PDCD6: variants seen among roughly 807,000 people sequenced by gnomAD.
PDCD6 encodes the protein programmed cell death 6.
PDCD6 carries 12 observed loss-of-function variants against 28.3 expected under a neutral mutation model. The ratio of observed to expected loss-of-function variants is 0.42; its 90% CI spans 0.27 to 0.69. The LOEUF (loss-of-function observed/expected upper bound fraction) is 0.69. Ranked by LOEUF, PDCD6 falls within the 30% of genes least tolerant of loss-of-function variation. The pLI is 0.22. For missense variants in PDCD6, 226 were observed against 269.9 expected, an observed-to-expected ratio of 0.84 and a Z score of 1.14; for synonymous variants, 92 against 108.0, an observed-to-expected ratio of 0.85 and a Z score of 0.92.
chr5:276,984 A>G (rs1738238288), intron 2 of PDCD6: 1 of 974,612 alleles, frequency 1.0e-6, no homozygotes, highest in Non-Finnish European at 1.2e-6. Flanking sequence ...TTTTTTTAAC[A>G]TTCACATATT....
intron 2 of PDCD6, among the ~76,000 whole-genome samples, chr5:288,295 TATA>T (rs1561037367): frequency 1.4e-3 from 145 of 107,076 alleles, no homozygotes; most frequent in African/African-American, 3.8e-3. Flanking sequence ...ATATATATTA[TATA>T]TATATATATA....
At position 307,198 on chromosome 5, in the gene PDCD6, A is replaced by G. The variant is rs367889149; in HGVS notation, c.367+438A>G. 2.6e-5 allele frequency among the ~76,000 whole-genome samples: 4 copies of G among 151,630 alleles called. No individual in the cohort carries two copies. In the East Asian group the frequency reaches 7.7e-4, roughly 29 times the overall value. Reference sequence around the variant, plus strand: ...GTGCGCCTCAGAAGGGGCGTTAGGCAGAACGCGTGCCCATTCTCAGGTGTG... The same window carrying G: ...GTGCGCCTCAGAAGGGGCGTTAGGCGGAACGCGTGCCCATTCTCAGGTGTG... On this transcript the variant is annotated intron_variant, in intron 4 of 5. Transcript: ENST00000264933. This position sits in a 1 kb window ranked among gnomAD's most constrained non-coding sequence, Gnocchi z 6.1.
chr5:290,367 C>T, intron 2 of PDCD6: 1 of 1,003,848 alleles, frequency 1.0e-6, no homozygotes, highest in Non-Finnish European at 1.6e-6. Flanking sequence ...CCGCAGGTCT[C>T]TTGGGGACCG....
chr5:276,527 C>T (rs928546093), intron 2 of PDCD6: 8 of 977,522 alleles, frequency 8.2e-6, no homozygotes, highest in Non-Finnish European at 8.5e-6. Flanking sequence ...TCTCAAACTC[C>T]TAGGCTCAAG....
rs1374686236 is a variant in PDCD6, at chr5:307,113, A to G, written c.367+353A>G. On this transcript the variant is annotated intron_variant, in intron 4 of 5. Coordinates refer to ENST00000264933, the MANE Select transcript of PDCD6 (RefSeq NM_013232.4). This position sits in a 1 kb window ranked among gnomAD's most constrained non-coding sequence, Gnocchi z 6.1. ...GCAGCTTATATTTCATGATAGATCA[A>G]AGCACGTTGAAAAGGCAACAGTCAC... 1.3e-5 allele frequency among the ~76,000 whole-genome samples: 2 copies of G among 152,214 alleles called. No homozygotes were observed. The highest frequency in any genetic ancestry group is 6.5e-5 in the Admixed American group (1 of 15,280).
chr5:289,300 A>T lies in PDCD6; in HGVS notation c.164-14877A>T, dbSNP rs371862947. On this transcript the variant is annotated intron_variant, in intron 2 of 5. Transcript: ENST00000264933. The stretch of plus-strand genomic sequence containing the variant: ...TACATACAGGTGGGAGAAAAGCCCA[A>T]TGTCGGCATTACAAGGAGTTCTATT... The T allele has an allele frequency of 1.8e-3, 976 of 534,804 alleles. 3 individuals carry two copies. Among genetic ancestry groups the T allele is most frequent in the South Asian group, 6.6e-3 (269 of 40,932 alleles). 33.1% of individuals were successfully genotyped at this position (534,804 alleles called of 1,614,324 possible).
intron 1 of PDCD6, 110 bp downstream of exon 1, chr5:271,931 T>TC (rs1258248251): frequency 3.3e-5 from 14 of 418,108 alleles, no homozygotes; most frequent in Non-Finnish European, 5.3e-5. Flanking sequence ...TGCGGCCTCC[T>TC]CCGTCCCCTG....
rs536513800 is a variant in PDCD6, at chr5:313,402, G to T, written c.478-1015G>T. On this transcript the variant is annotated intron_variant, in intron 5 of 5. Transcript: ENST00000264933. ...TATCCATTGCGGTGCTTTTGGAGTT[G>T]GGTGAGGCCGTAGCCTCTGCCAAGT... Among the ~76,000 whole-genome samples the T allele has an allele frequency of 5.9e-5, 9 of 152,298 alleles. No homozygotes were observed. In the South Asian group the frequency reaches 1.9e-3, roughly 32 times the overall value.
chr5:279,262 A>C (rs1738414333), intron 2 of PDCD6, among the ~76,000 whole-genome samples: 1 of 152,020 alleles, frequency 6.6e-6, no homozygotes, highest in Non-Finnish European at 1.5e-5. Flanking sequence ...GGATGGACTT[A>C]TAGGTGTTGC....
intron 4 of PDCD6, chr5:309,989 GC>G (rs1285536507): frequency 1.2e-5 from 1 of 81,584 alleles, no homozygotes; most frequent in Non-Finnish European, 2.7e-5. Flanking sequence ...TGGCCGCCGT[GC>G]CCGTGCACCC....
intron 2 of PDCD6, among the ~76,000 whole-genome samples, chr5:279,798 AAAAAAAAACG>A (rs1738448829): frequency 6.7e-6 from 1 of 148,782 alleles, no homozygotes; most frequent in Admixed American, 6.6e-5. Flanking sequence ...AAAAAAAAAA[AAAAAAAAACG>A]AGGAGCCGGT....
At chr5:292,244 CT>C (rs1739357553) in intron 2 of PDCD6, among the ~76,000 whole-genome samples, 3 of 152,084 alleles carry the variant, frequency 2.0e-5, no homozygotes, top group Admixed American at 2.0e-4. Flanking sequence ...AATTTTTGCA[CT>C]TTTCTTTTAT....
intron 2 of PDCD6, among the ~76,000 whole-genome samples, chr5:275,844 T>G (rs868865482): frequency 6.6e-6 from 1 of 152,218 alleles, no homozygotes; most frequent in Non-Finnish European, 1.5e-5. Flanking sequence ...CTGTGGTGGT[T>G]TGCTCCTCAC....
At chr5:277,261 G>A in intron 2 of PDCD6, among the ~76,000 whole-genome samples, 1 of 151,080 alleles carries the variant, frequency 6.6e-6, no homozygotes, top group South Asian at 2.1e-4. Flanking sequence ...GAGTAGCTGG[G>A]ACTACAGGTG....
At chr5:294,965 A>G (rs1467765201) in intron 2 of PDCD6, among the ~76,000 whole-genome samples, 1 of 152,056 alleles carries the variant, frequency 6.6e-6, no homozygotes, top group Non-Finnish European at 1.5e-5. Context: ...CATCTTGGAG[A>G]AGACAGTGCT....
chr5:291,735 T>C (rs1335696751), intron 2 of PDCD6, among the ~76,000 whole-genome samples: 1 of 149,572 alleles, frequency 6.7e-6, no homozygotes, highest in African/African-American at 2.5e-5. Context: ...ACTGACATGG[T>C]TCATTTTCAT....
chr5:276,582 A>G (rs1158822835), intron 2 of PDCD6: 2 of 982,288 alleles, frequency 2.0e-6, no homozygotes, highest in Non-Finnish European at 2.4e-6. Context: ...TCCTATACTA[A>G]TATGATTGAA....
At chr5:284,503 A>G (rs890137089) in intron 2 of PDCD6, among the ~76,000 whole-genome samples, 6 of 151,720 alleles carry the variant, frequency 4.0e-5, no homozygotes, top group African/African-American at 1.2e-4. Flanking sequence ...AGGTCATGCA[A>G]CTGGAGACCT....
intron 2 of PDCD6, among the ~76,000 whole-genome samples, chr5:293,196 A>G (rs1200305791): frequency 6.6e-6 from 1 of 152,236 alleles, no homozygotes; most frequent in Non-Finnish European, 1.5e-5. Flanking sequence ...CAGCGCCAGC[A>G]CTAAGACATG....
Sources: allele counts gnomAD v4.1 joint callset (sites outside exome capture counted in the v4.1 genomes callset), GRCh38; gene constraint gnomAD v4.1.1; non-coding constraint Gnocchi (gnomAD v3.1); transcripts MANE v1.5; gene names NCBI Gene and HGNC (gene_info 2026-07-23, HGNC 2026-07-21).